Variants in ENOX1 observed in about 807,000 individuals in gnomAD.
The protein encoded by ENOX1 is candidate growth-related and time keeping constitutive hydroquinone (NADH) oxidase.
Under a neutral mutation model 82.5 loss-of-function variants are expected in ENOX1, and 42 were observed. That is an observed-to-expected ratio of 0.51 (90% CI 0.40 to 0.66). ENOX1 has a LOEUF of 0.66. Among genes scored for constraint, ENOX1 ranks in the 30% least tolerant of loss-of-function variants. ENOX1 has a pLI of 0.00. For synonymous variants in ENOX1, 271 were observed against 282.2 expected, an observed-to-expected ratio of 0.96 and a Z score of 0.40; for missense variants, 608 against 811.6, an observed-to-expected ratio of 0.75 and a Z score of 3.05.
intron 9 of ENOX1, among the ~76,000 whole-genome samples, chr13:43,342,557 C>T (rs2049130135): frequency 6.6e-6 from 1 of 152,110 alleles, no homozygotes; most frequent in South Asian, 2.1e-4. Context: ...CCTGCCCCAC[C>T]CCTTCATTCA....
chr13:43,603,008 T>C (rs1470171345), intron 2 of ENOX1, among the ~76,000 whole-genome samples: 1 of 152,158 alleles, frequency 6.6e-6, no homozygotes, highest in African/African-American at 2.4e-5. Context: ...TATGTGTATA[T>C]GTAAAGAAAA....
Position 43,634,553 on chromosome 13 carries a change from G to C in ENOX1, c.-219+32926C>G, listed in dbSNP as rs185605354. 2.6e-5 allele frequency among the ~76,000 whole-genome samples: 4 copies of C among 152,326 alleles called. No homozygotes were observed. In the East Asian group the frequency reaches 7.7e-4, roughly 29 times the overall value. On this transcript the variant is annotated intron_variant, in intron 2 of 16. Coordinates refer to ENST00000690772, the MANE Select transcript of ENOX1 (RefSeq NM_001347969.2). ...AATATATGGAACAGGTCAAAAAGCA[G>C]TACCCACAGGAGACGGCTGCCCAGG...
chr13:43,762,314 G>C lies in ENOX1; in HGVS notation c.-285+24338C>G, dbSNP rs1406580218. On this transcript the variant is annotated intron_variant, in intron 1 of 16. Transcript: ENST00000690772. ...TGTCAACAGCCTACTATTGAGAAGA[G>C]GGAAAGGTGTGCAAGTTGGGAGCTA... 3.9e-5 allele frequency among the ~76,000 whole-genome samples: 6 copies of C among 152,152 alleles called. No homozygotes were observed. The South Asian group carries it at 1.0e-3, about 26-fold the overall frequency.
chr13:43,728,555 T>A (rs535628875), intron 1 of ENOX1, among the ~76,000 whole-genome samples: 1 of 152,310 alleles, frequency 6.6e-6, no homozygotes, highest in South Asian at 2.1e-4. Flanking sequence ...TCCCAAAATG[T>A]GCACTGAGAC....
intron 2 of ENOX1, among the ~76,000 whole-genome samples, chr13:43,619,382 G>T (rs1417410833): frequency 6.6e-6 from 1 of 151,996 alleles, no homozygotes; most frequent in Admixed American, 6.6e-5. Context: ...GTTGGCTGTG[G>T]GTACGTCTTA....
intron 5 of ENOX1, among the ~76,000 whole-genome samples, chr13:43,389,067 T>A (rs989537758): frequency 3.9e-5 from 6 of 152,292 alleles, no homozygotes; most frequent in African/African-American, 1.4e-4. Flanking sequence ...TAATTTTAAT[T>A]ACACCCAGAT....
chr13:43,222,586 G>A (rs1593408445), intron 16 of ENOX1, among the ~76,000 whole-genome samples: 3 of 152,198 alleles, frequency 2.0e-5, no homozygotes, highest in Non-Finnish European at 4.4e-5. Context: ...TGCAGAAAGG[G>A]AGAACAGAAA....
In ENOX1 at chr13:43,213,567, T is replaced by TA. The variant is rs1491322627; in HGVS notation, c.*422dup. 1 of 109,704 alleles carries TA rather than the reference T, an allele frequency of 9.1e-6. No homozygotes were observed. Among genetic ancestry groups the TA allele is most frequent in the Non-Finnish European group, 2.0e-5 (1 of 50,382 alleles). The allele number at this position is 109,704 out of a possible 1,614,324, so 6.8% of individuals were successfully genotyped here. A position where few individuals can be genotyped will look rare whatever the true frequency, so the allele number is the denominator to read the frequency against. On this transcript the variant is annotated 3_prime_UTR_variant, in exon 17 of 17. Transcript: ENST00000690772. ...TTCTTTTTTTTTTTTTTTTTTTTTT[T>TA]ACTAAAACAGAAAGACTTTCAGGAA...
chr13:43,452,609 G>T (rs916178486), intron 3 of ENOX1, among the ~76,000 whole-genome samples: 2 of 152,128 alleles, frequency 1.3e-5, no homozygotes, highest in Non-Finnish European at 2.9e-5. Context: ...TGCAACCTCT[G>T]TCTCCTGGGT....
At chr13:43,550,927 T>C (rs2079169171) in intron 2 of ENOX1, among the ~76,000 whole-genome samples, 1 of 152,198 alleles carries the variant, frequency 6.6e-6, no homozygotes, top group Admixed American at 6.5e-5. Context: ...ACATGCTGCT[T>C]CTTAACTGTT....
At chr13:43,387,046 TC>T in intron 5 of ENOX1, among the ~76,000 whole-genome samples, 1 of 152,288 alleles carries the variant, frequency 6.6e-6, no homozygotes. Flanking sequence ...AAATATTTTT[TC>T]CCCCAGCAAG....
chr13:43,682,121 T>C (rs1052803841), intron 1 of ENOX1, among the ~76,000 whole-genome samples: 1 of 152,160 alleles, frequency 6.6e-6, no homozygotes, highest in African/African-American at 2.4e-5. Flanking sequence ...GTTGTTGTTA[T>C]ATGTCAGATC....
intron 1 of ENOX1, among the ~76,000 whole-genome samples, chr13:43,721,881 A>G (rs1422814187): frequency 6.6e-6 from 1 of 152,106 alleles, no homozygotes; most frequent in Non-Finnish European, 1.5e-5. Context: ...GTGCTCAGTA[A>G]ACACTTGTTA....
chr13:43,496,431 G>T (rs902451050), intron 2 of ENOX1, among the ~76,000 whole-genome samples: 2 of 151,706 alleles, frequency 1.3e-5, no homozygotes, highest in African/African-American at 4.8e-5. Flanking sequence ...GGTTGCCCAG[G>T]CTGGAGTGCA....
rs75464625 is a variant in ENOX1 at position 43,661,798 on chromosome 13, G to C, written c.-219+5681C>G. ...ATTAGGACTGATAAAAGGACTTACA[G>C]TGAAGTAGTTTTTAAACTAAATCTG... On this transcript the variant is annotated intron_variant, in intron 2 of 16. Transcript: ENST00000690772. 5.9e-5 allele frequency among the ~76,000 whole-genome samples: 9 copies of C among 152,296 alleles called. No individual in the cohort carries two copies. In the East Asian group the frequency reaches 1.7e-3, roughly 29 times the overall value.
At chr13:43,435,240 C>T (rs2055947469) in intron 3 of ENOX1, among the ~76,000 whole-genome samples, 1 of 152,094 alleles carries the variant, frequency 6.6e-6, no homozygotes, top group Admixed American at 6.5e-5. Context: ...ACACAGGACT[C>T]CTATGGAGCA....
chr13:43,653,737 A>G (rs2084301700), intron 2 of ENOX1, among the ~76,000 whole-genome samples: 1 of 149,234 alleles, frequency 6.7e-6, no homozygotes, highest in African/African-American at 2.5e-5. Context: ...ACCTTGTTCA[A>G]TGAAAATTTG....
At chr13:43,441,786 A>G (rs529288459) in intron 3 of ENOX1, among the ~76,000 whole-genome samples, 24 of 150,686 alleles carry the variant, frequency 1.6e-4, no homozygotes, top group Non-Finnish European at 2.8e-4. Context: ...AAGATCTCAC[A>G]ATGAAGTGGA....
intron 12 of ENOX1, among the ~76,000 whole-genome samples, chr13:43,277,659 G>C (rs967798524): frequency 1.3e-5 from 2 of 152,236 alleles, no homozygotes; most frequent in Non-Finnish European, 2.9e-5. Context: ...CAGCGCAGGG[G>C]TGAAGGGAGG....
Sources: allele counts gnomAD v4.1 joint callset (sites outside exome capture counted in the v4.1 genomes callset), GRCh38; gene constraint gnomAD v4.1.1; transcripts MANE v1.5; gene names NCBI Gene and HGNC (gene_info 2026-07-23, HGNC 2026-07-21).